The following TMPRSS15 variants were observed in gnomAD, a reference collection of about 807,000 sequenced individuals.
The protein encoded by TMPRSS15 is transmembrane serine protease 15.
A neutral mutation model predicts 125.3 loss-of-function variants in TMPRSS15; 128 were observed. The observed-to-expected ratio is 1.02, with a 90% CI of 0.89 to 1.18. The LOEUF is 1.18. Among genes scored for constraint, TMPRSS15 ranks in the 50% most tolerant of loss-of-function variants. TMPRSS15 has a pLI of 0.00. For synonymous variants in TMPRSS15, 446 were observed against 423.2 expected, an observed-to-expected ratio of 1.05 and a Z score of -0.66; for missense variants, 1,283 against 1,212.7, an observed-to-expected ratio of 1.06 and a Z score of -0.86.
intron 22 of TMPRSS15, among the ~76,000 whole-genome samples, 153 bp from the exon 23 acceptor site, chr21:18,279,212 G>A (rs893081788): frequency 4.0e-5 from 6 of 149,560 alleles, no homozygotes; most frequent in African/African-American, 1.2e-4. Context: ...TTTAGACATC[G>A]GTCTTAGGGG....
intron 1 of TMPRSS15, among the ~76,000 whole-genome samples, chr21:18,441,225 G>A (rs943495757): frequency 2.6e-5 from 4 of 151,070 alleles, no homozygotes; most frequent in African/African-American, 9.7e-5. Flanking sequence ...CCTGGGAGGT[G>A]GAGGTTGCAG....
chr21:18,421,922 T>C (rs2076192810), intron 1 of TMPRSS15, among the ~76,000 whole-genome samples: 1 of 151,974 alleles, frequency 6.6e-6, no homozygotes, highest in Admixed American at 6.6e-5. Context: ...GCTTTGGGCA[T>C]GGGACAGCTA....
intron 9 of TMPRSS15, among the ~76,000 whole-genome samples, 200 bp downstream of exon 9, chr21:18,353,523 G>T (rs2075593125): frequency 6.6e-6 from 1 of 151,532 alleles, no homozygotes; most frequent in South Asian, 2.1e-4. Context: ...TTCTCAAATT[G>T]GTTATTTGAT....
chr21:18,298,533 C>G (rs550776526), intron 18 of TMPRSS15, among the ~76,000 whole-genome samples: 28 of 152,324 alleles, frequency 1.8e-4, no homozygotes, highest in African/African-American at 6.3e-4. Flanking sequence ...ACCTATAATT[C>G]CCATGCTCTC....
At chr21:18,457,573 A>C (rs1294250252) in intron 1 of TMPRSS15, among the ~76,000 whole-genome samples, 1 of 152,168 alleles carries the variant, frequency 6.6e-6, no homozygotes, top group Non-Finnish European at 1.5e-5. Context: ...GATTTGTGAA[A>C]GTAACAATCT....
chr21:18,308,577 C>T lies in TMPRSS15; in HGVS notation c.2165+4368G>A, dbSNP rs138163081. ...TAAAAGTACATATATGAACAAAGAT[C>T]TAGAAAACTATACACTGAGACTTTT... On this transcript the variant is annotated intron_variant, in intron 18 of 24. Coordinates refer to ENST00000284885, the MANE Select transcript of TMPRSS15 (RefSeq NM_002772.3). Among the ~76,000 whole-genome samples the T allele has an allele frequency of 3.3e-3, 476 of 145,710 alleles. 10 individuals are homozygous for T. Among genetic ancestry groups the T allele is most frequent in the African/African-American group, 0.01 (406 of 39,338 alleles).
chr21:18,411,019 T>C (rs2076164743), intron 1 of TMPRSS15, among the ~76,000 whole-genome samples: 1 of 152,150 alleles, frequency 6.6e-6, no homozygotes, highest in African/African-American at 2.4e-5. Flanking sequence ...AGCTGATTAC[T>C]ACTTTACAGA....
intron 8 of TMPRSS15, 120 bp from the exon 9 acceptor site, chr21:18,353,983 G>T: frequency 1.2e-6 from 1 of 844,378 alleles, no homozygotes; most frequent in Non-Finnish European, 1.9e-6. Flanking sequence ...ATATCTATCT[G>T]ATACCACTTA....
Position 18,279,054 on chromosome 21 carries a change from T to C in TMPRSS15, c.2674A>G (p.Ile892Val). Residue 892 changes from isoleucine (I) to valine (V), a missense_variant, in exon 23 of 25, where the codon ATA becomes GTA. Physicochemically the swap from Ile to Val is conservative, Grantham distance 29. Coordinates refer to ENST00000284885, the MANE Select transcript of TMPRSS15 (RefSeq NM_002772.3). ...LEFKVNYTDYIQPICLPEENQ... is the reference protein window; with the variant it reads ...LEFKVNYTDYVQPICLPEENQ... ...TCTTCCGGTAAACAAATAGGTTGTA[T>C]GTAATCTGGAAAAACAAGCAAACAG... 1.9e-6 allele frequency: 3 copies of C among 1,559,784 alleles called. No homozygotes were observed. Among genetic ancestry groups the C allele is most frequent in the South Asian group, 1.1e-5 (1 of 88,876 alleles).
At chr21:18,374,671 A>G (rs1279544305) in intron 5 of TMPRSS15, among the ~76,000 whole-genome samples, 2 of 152,156 alleles carry the variant, frequency 1.3e-5, no homozygotes, top group Non-Finnish European at 2.9e-5. Context: ...GGAAGATTTT[A>G]CATATATCTG....
chr21:18,465,892 A>G (rs147299526), intron 1 of TMPRSS15, among the ~76,000 whole-genome samples: 2 of 152,324 alleles, frequency 1.3e-5, no homozygotes, highest in African/African-American at 4.8e-5. Context: ...CACTTTCTTC[A>G]CAGAATTAGA....
chr21:18,447,419 G>A (rs1452966863), intron 1 of TMPRSS15, among the ~76,000 whole-genome samples: 27 of 108,834 alleles, frequency 2.5e-4, no homozygotes, highest in African/African-American at 8.2e-4. Flanking sequence ...CAGCCTGGGC[G>A]ACAGAGTAAG....
chr21:18,387,349 CT>C (rs1724488781), intron 3 of TMPRSS15, among the ~76,000 whole-genome samples: 1 of 152,034 alleles, frequency 6.6e-6, no homozygotes, highest in South Asian at 2.1e-4. Context: ...TATTAGTTAT[CT>C]CATATATTCC....
intron 21 of TMPRSS15, among the ~76,000 whole-genome samples, chr21:18,292,773 C>T (rs776905618): frequency 2.6e-5 from 4 of 152,102 alleles, no homozygotes; most frequent in Non-Finnish European, 4.4e-5. Flanking sequence ...TTATGCTATC[C>T]GTGACATGTC....
At position 18,370,778 on chromosome 21, in the gene TMPRSS15, G is replaced by A. The variant is rs113003963; in HGVS notation, c.664+1415C>T. Among the ~76,000 whole-genome samples the A allele has an allele frequency of 3.2e-3, 488 of 152,162 alleles. 1 individual carries two copies. Among genetic ancestry groups the A allele is most frequent in the African/African-American group, 0.011 (462 of 41,524 alleles). ...AGTTGCCTTTCATTGAGTTGGTACC[G>A]GGAAACAGACCAAATGCCTGGCTTT... On this transcript the variant is annotated intron_variant, in intron 6 of 24. Coordinates refer to ENST00000284885, the MANE Select transcript of TMPRSS15 (RefSeq NM_002772.3).
chr21:18,373,344 C>A (rs1441805629), intron 5 of TMPRSS15, among the ~76,000 whole-genome samples: 2 of 151,880 alleles, frequency 1.3e-5, no homozygotes, highest in East Asian at 3.8e-4. Context: ...TGAATATAAA[C>A]CAATGGGAAA....
At chr21:18,416,736 C>T (rs1171356053) in intron 1 of TMPRSS15, among the ~76,000 whole-genome samples, 2 of 151,984 alleles carry the variant, frequency 1.3e-5, no homozygotes, top group African/African-American at 2.4e-5. Context: ...ATCTAGATGA[C>T]TTTTGACTTT....
intron 1 of TMPRSS15, among the ~76,000 whole-genome samples, chr21:18,448,533 C>A (rs1035695113): frequency 3.9e-5 from 6 of 151,970 alleles, no homozygotes; most frequent in Admixed American, 3.9e-4. Flanking sequence ...AAGATGCATA[C>A]CATATTTTGA....
At chr21:18,366,569 TTTTG>T (rs1281662851) in intron 6 of TMPRSS15, among the ~76,000 whole-genome samples, 1 of 152,162 alleles carries the variant, frequency 6.6e-6, no homozygotes, top group Non-Finnish European at 1.5e-5. Flanking sequence ...ACTTAGAGAT[TTTTG>T]TTTTTTTCAT....
Sources: gnomAD v4.1 joint callset for allele counts (sites outside exome capture counted in the v4.1 genomes callset) on GRCh38, gnomAD v4.1.1 for gene constraint, MANE v1.5 for transcripts, NCBI Gene and HGNC (gene_info 2026-07-23, HGNC 2026-07-21) for gene names.